Variants in CEMIP2 observed in about 807,000 individuals in gnomAD.
CEMIP2 encodes cell surface hyaluronidase CEMIP2.
CEMIP2 carries 79 observed loss-of-function variants against 146.9 expected under a neutral mutation model. That is an observed-to-expected ratio of 0.54 (90% CI 0.45 to 0.65). The LOEUF (loss-of-function observed/expected upper bound fraction) is 0.65, where lower values mean the gene tolerates loss of function less well. CEMIP2 is among the 30% of genes least tolerant of loss of function. The pLI is 0.00. For synonymous variants in CEMIP2, 601 were observed against 606.3 expected, an observed-to-expected ratio of 0.99 and a Z score of 0.13; for missense variants, 1,596 against 1,696.2, an observed-to-expected ratio of 0.94 and a Z score of 1.04.
Position 71,694,547 on chromosome 9 carries a change from T to C in CEMIP2, c.3658A>G (p.Lys1220Glu), listed in dbSNP as rs756007756. 1.9e-6 allele frequency: 3 copies of C among 1,614,062 alleles called. No homozygotes were observed. The South Asian group carries it at 3.3e-5, about 18-fold the overall frequency. The change falls in exon 21 of 24, where the codon AAA (lysine) becomes GAA (glutamate). Residue 1220 changes from lysine (K) to glutamate (E), a missense_variant. Transcript: ENST00000377044. ...YLPVQFQSPD[K>E]AETQRGDPSV... ...GGGTCTCCACGCTGGGTTTCTGCTT[T>C]ATCAGGTGACTGGAATTGCACAGGG...
In CEMIP2 at chr9:71,745,574, G is replaced by T. The variant is rs752006904; in HGVS notation, c.478C>A (p.Leu160Ile). 5.6e-6 allele frequency: 9 copies of T among 1,595,186 alleles called. No individual in the cohort carries two copies. Among genetic ancestry groups the T allele is most frequent in the Non-Finnish European group, 7.7e-6 (9 of 1,172,524 alleles). Residue 160 changes from leucine (L) to isoleucine (I), a missense_variant, in exon 4 of 24, where the codon CTT becomes ATT. Physicochemically the swap from Leu to Ile is conservative, Grantham distance 5. Transcript: ENST00000377044. ...CCATCTTTATTGTCCCCAAATACAA[G>T]CAGTCCTGCAGGGAACACCACCCTG... ...HSIVIQDGGL[L>I]VFGDNKDGSR...
At chr9:71,737,186 G>GAAAAGAAAGAAAGAAAGAAAGA (rs1554686481) in intron 5 of CEMIP2, among the ~76,000 whole-genome samples, 2 of 132,094 alleles carry the variant, frequency 1.5e-5, no homozygotes, top group African/African-American at 2.7e-5. Context: ...AAGAAAGAAA[G>GAAAAGAAAGAAAGAAAGAAAGA]AAAAGTCTGT....
intron 2 of CEMIP2, 181 bp downstream of exon 2, chr9:71,749,862 T>C (rs1824194001): frequency 5.3e-6 from 3 of 563,006 alleles, no homozygotes; most frequent in Middle Eastern, 4.8e-4. Flanking sequence ...AGCAACCATT[T>C]AATCATTTCC....
intron 11 of CEMIP2, 99 bp from the exon 12 acceptor site, chr9:71,722,614 C>T (rs1474331925): frequency 1.0e-5 from 9 of 893,718 alleles, no homozygotes; most frequent in African/African-American, 3.5e-5. Flanking sequence ...ATCACTTCTA[C>T]CAAAAAAAGT....
Position 71,725,532 on chromosome 9 carries a change from C to T in CEMIP2, c.2178+49G>A, listed in dbSNP as rs750623979. On this transcript the variant is annotated intron_variant, in intron 11 of 23. Coordinates refer to ENST00000377044, the MANE Select transcript of CEMIP2 (RefSeq NM_013390.3). ...TAAAATATAATCACAATAGTTCATCCTTTACACTGTCTAGCATATGTACTA... is the reference window on the plus strand; with the variant it reads ...TAAAATATAATCACAATAGTTCATCTTTTACACTGTCTAGCATATGTACTA... 14 of 1,580,440 alleles carry T rather than the reference C, an allele frequency of 8.9e-6. No homozygotes were observed. The African/African-American group carries it at 1.9e-4, about 21-fold the overall frequency.
intron 4 of CEMIP2, among the ~76,000 whole-genome samples, chr9:71,741,593 A>G (rs1823916381): frequency 6.7e-6 from 1 of 148,536 alleles, no homozygotes; most frequent in African/African-American, 2.5e-5. Flanking sequence ...GTTGACAGCA[A>G]TGTGTTTGAA....
chr9:71,741,788 A>C (rs1823928742), intron 4 of CEMIP2, among the ~76,000 whole-genome samples: 2 of 151,340 alleles, frequency 1.3e-5, no homozygotes, highest in African/African-American at 2.4e-5. Context: ...ACGGGTGCCC[A>C]CCACCACACC....
intron 11 of CEMIP2, among the ~76,000 whole-genome samples, chr9:71,723,720 G>A (rs1175179955): frequency 3.9e-5 from 6 of 152,136 alleles, no homozygotes; most frequent in Non-Finnish European, 7.3e-5. Context: ...TGACCAACCT[G>A]GACTAGTACA....
chr9:71,692,923 G>GACAACAACAACAACA (rs142273515), intron 21 of CEMIP2, among the ~76,000 whole-genome samples: 31,402 of 150,724 alleles, frequency 0.21, 4,154 homozygotes, highest in African/African-American at 0.36. Flanking sequence ...ACAAACAAAC[G>GACAACAACAACAACA]ACAACAACAA....
intron 15 of CEMIP2, among the ~76,000 whole-genome samples, chr9:71,713,415 C>T (rs1052067229): frequency 6.6e-6 from 1 of 152,010 alleles, no homozygotes; most frequent in Non-Finnish European, 1.5e-5. Flanking sequence ...AACTGCAAGT[C>T]CAATAAACCT....
At chr9:71,731,411 A>C (rs1452524195) in intron 7 of CEMIP2, among the ~76,000 whole-genome samples, 2 of 152,194 alleles carry the variant, frequency 1.3e-5, no homozygotes, top group Non-Finnish European at 2.9e-5. Context: ...ATTACTAACA[A>C]CAAGGGAATA....
At chr9:71,709,619 C>A in intron 16 of CEMIP2, 145 bp from the exon 17 acceptor site, 1 of 670,036 alleles carries the variant, frequency 1.5e-6, no homozygotes, top group Non-Finnish European at 2.5e-6. Context: ...TCAGCTATGG[C>A]ACTCAAGTCA....
intron 10 of CEMIP2, 68 bp downstream of exon 10, chr9:71,729,777 A>G: frequency 3.3e-6 from 5 of 1,512,872 alleles, no homozygotes; most frequent in Non-Finnish European, 4.6e-6. Context: ...CATTAAATCC[A>G]AATAAACCAG....
In CEMIP2 at chr9:71,746,247, A is replaced by G; in HGVS notation, c.426T>C (p.Arg142=). The G allele has an allele frequency of 6.2e-7, 1 of 1,614,010 alleles. No individual in the cohort carries two copies. The highest frequency in any genetic ancestry group is 8.5e-7 in the Non-Finnish European group (1 of 1,179,894). The change falls in exon 3 of 24, where the codon CGT becomes CGC. Residue 142 remains arginine, a synonymous_variant. Transcript: ENST00000377044. ...QVVIKEGDML[R]LTSDATVHSI... ...AATGCACGGTGGCGTCTGAGGTCAG[A>G]CGGAGCATATCTCCCTCCTTGATAA...
Position 71,735,003 on chromosome 9 carries a change from A to C in CEMIP2, c.1205-9T>G, listed in dbSNP as rs1313440486. The C allele has an allele frequency of 1.2e-5, 1 of 86,322 alleles. No homozygotes were observed. 5.3% of individuals were successfully genotyped at this position (86,322 alleles called of 1,614,324 possible). A position where few individuals can be genotyped will look rare whatever the true frequency, so the allele number is the denominator to read the frequency against. On this transcript the variant is annotated splice_polypyrimidine_tract_variant and intron_variant, in intron 5 of 23. Coordinates refer to ENST00000377044, the MANE Select transcript of CEMIP2 (RefSeq NM_013390.3). ...TCCTGAAAGAGAAACGCCTAAACCA[A>C]AAAAAAAAAAAAGAAAAAGAAAGTG...
At chr9:71,714,366 G>GTGATGATGATGATGA (rs6151029) in intron 15 of CEMIP2, among the ~76,000 whole-genome samples, 9,638 of 151,858 alleles carry the variant, frequency 0.063, 339 homozygotes, top group African/African-American at 0.076. Flanking sequence ...TAATGACTCT[G>GTGATGATGATGATGA]TGATGATGAT....
chr9:71,755,434 G>A (rs138371991), intron 1 of CEMIP2, among the ~76,000 whole-genome samples: 124 of 151,608 alleles, frequency 8.2e-4, no homozygotes, highest in African/African-American at 2.3e-3. Flanking sequence ...TAGCTACTCC[G>A]GAGGCGGAGG....
At chr9:71,717,491 A>G (rs1037008616) in intron 13 of CEMIP2, among the ~76,000 whole-genome samples, 2 of 152,196 alleles carry the variant, frequency 1.3e-5, no homozygotes, top group Non-Finnish European at 2.9e-5. Context: ...AATGGGAAAA[A>G]AAGTGAGATA....
chr9:71,708,499 T>C (rs946004791), intron 17 of CEMIP2, among the ~76,000 whole-genome samples: 3 of 152,208 alleles, frequency 2.0e-5, no homozygotes, highest in African/African-American at 7.2e-5. Context: ...TGTACCGACA[T>C]AGAGAAGTTA....
Sources: allele counts gnomAD v4.1 joint callset (sites outside exome capture counted in the v4.1 genomes callset), GRCh38; gene constraint gnomAD v4.1.1; transcripts MANE v1.5; gene names NCBI Gene and HGNC (gene_info 2026-07-23, HGNC 2026-07-21).